Variants in LTBP1 observed in about 807,000 individuals in gnomAD.
The protein encoded by LTBP1 is latent transforming growth factor beta binding protein 1.
LTBP1 carries 129 observed loss-of-function variants against 207.6 expected under a neutral mutation model. The ratio of observed to expected loss-of-function variants is 0.62; its 90% confidence interval spans 0.54 to 0.72. LTBP1 has a LOEUF of 0.72. Ranked by LOEUF, LTBP1 falls within the 30% of genes least tolerant of loss-of-function variation. The probability of loss-of-function intolerance (pLI) is 0.00; values close to 1 mark genes in which losing one functional copy is unlikely to be tolerated. For synonymous variants in LTBP1, 963 were observed against 833.7 expected (o/e 1.16, Z -2.67); for missense variants, 2,281 against 2,217.2 (o/e 1.03, Z -0.58).
intron 31 of LTBP1, among the ~76,000 whole-genome samples, chr2:33,368,069 T>C (rs1228746988): frequency 6.6e-6 from 1 of 152,078 alleles, no homozygotes; most frequent in African/African-American, 2.4e-5. Flanking sequence ...TAGCCGGGCC[T>C]GGTGGCGCAT....
chr2:33,348,439 C>G (rs1045204331), intron 26 of LTBP1, among the ~76,000 whole-genome samples: 1 of 152,096 alleles, frequency 6.6e-6, no homozygotes, highest in Non-Finnish European at 1.5e-5. Context: ...AGAGAAGAGA[C>G]AGGTTATTAC....
chr2:33,077,433 G>C (rs1193613951), intron 3 of LTBP1, among the ~76,000 whole-genome samples: 4 of 152,196 alleles, frequency 2.6e-5, no homozygotes, highest in South Asian at 4.2e-4. Context: ...GGCAGCATCT[G>C]CTTCTGGGGA....
chr2:33,160,919 A>G (rs1210916991), intron 5 of LTBP1, among the ~76,000 whole-genome samples: 1 of 152,170 alleles, frequency 6.6e-6, no homozygotes. Flanking sequence ...TGCTGCTGTC[A>G]TGGTTGTTGC....
At chr2:33,109,304 C>G (rs1300142227) in intron 3 of LTBP1, among the ~76,000 whole-genome samples, 3 of 152,200 alleles carry the variant, frequency 2.0e-5, no homozygotes, top group Non-Finnish European at 4.4e-5. Flanking sequence ...GTCATTTCTT[C>G]CCCTTGTTCA....
At chr2:33,179,002 C>T (rs939016977) in intron 5 of LTBP1, among the ~76,000 whole-genome samples, 2 of 152,120 alleles carry the variant, frequency 1.3e-5, no homozygotes, top group Non-Finnish European at 1.5e-5. Context: ...TGGCCTCCTA[C>T]AGTGCTGGGA....
chr2:33,240,371 G>A (rs2092268188), intron 9 of LTBP1, among the ~76,000 whole-genome samples: 1 of 152,160 alleles, frequency 6.6e-6, no homozygotes, highest in South Asian at 2.1e-4. Context: ...TCATCACTTG[G>A]AATGTTCTTC....
rs138855667 is a variant in LTBP1, at chr2:33,144,914, G to A, written c.1201+9954G>A. Among the ~76,000 whole-genome samples the A allele has an allele frequency of 1.5e-3, 223 of 152,224 alleles. 1 individual carries two copies. The highest frequency in any genetic ancestry group is 5.1e-3 in the African/African-American group (213 of 41,560). ...CTGGAACTAACATCACAAATGATGT[G>A]AAAATGTTTTTGAGGTCAGCCACAT... On this transcript the variant is annotated intron_variant, in intron 5 of 33. Transcript: ENST00000404816.
chr2:33,392,618 A>C (rs573117730), intron 32 of LTBP1, among the ~76,000 whole-genome samples: 29 of 152,236 alleles, frequency 1.9e-4, no homozygotes, highest in Non-Finnish European at 3.8e-4. Context: ...TTACAAAAAT[A>C]GGTAGCAGGC....
intron 3 of LTBP1, among the ~76,000 whole-genome samples, chr2:33,041,563 T>A (rs1435474886): frequency 6.6e-6 from 1 of 152,222 alleles, no homozygotes; most frequent in Non-Finnish European, 1.5e-5. Flanking sequence ...ATTATAGGCG[T>A]GAGCCACCGT....
At chr2:33,285,523 A>G (rs1420306804) in intron 19 of LTBP1, among the ~76,000 whole-genome samples, 1 of 140,458 alleles carries the variant, frequency 7.1e-6, no homozygotes, top group Non-Finnish European at 1.5e-5. Context: ...ATCTCGGCTC[A>G]CTGCAACCTC....
intron 5 of LTBP1, among the ~76,000 whole-genome samples, chr2:33,139,373 G>A (rs1358199039): frequency 1.3e-5 from 2 of 152,184 alleles, no homozygotes; most frequent in Non-Finnish European, 2.9e-5. Context: ...AAACATGGTA[G>A]TAGATTTTCT....
intron 3 of LTBP1, among the ~76,000 whole-genome samples, chr2:33,058,435 A>G (rs1191203004): frequency 1.3e-5 from 2 of 152,214 alleles, no homozygotes; most frequent in African/African-American, 4.8e-5. Flanking sequence ...GCCAGGACCA[A>G]AACTCATCTA....
Position 33,194,424 on chromosome 2 carries a change from A to G in LTBP1, c.1701+5573A>G, listed in dbSNP as rs756582887. 4.9e-4 allele frequency among the ~76,000 whole-genome samples: 75 copies of G among 152,250 alleles called. 1 individual carries two copies. Among genetic ancestry groups the G allele is most frequent in the Non-Finnish European group, 2.9e-4 (20 of 68,052 alleles). ...TTCGAAGGAAAAGTTCTTGAAGGAA[A>G]TTAAAAGTGCTACTCCAGAGAGTAC... On this transcript the variant is annotated intron_variant, in intron 7 of 33. Transcript: ENST00000404816.
At chr2:33,188,190 G>C (rs912824176) in intron 6 of LTBP1, among the ~76,000 whole-genome samples, 3 of 152,170 alleles carry the variant, frequency 2.0e-5, no homozygotes, top group African/African-American at 7.2e-5. Flanking sequence ...GGAGGCCAAG[G>C]CAGGCGGATC....
intron 4 of LTBP1, among the ~76,000 whole-genome samples, chr2:33,121,563 C>T (rs570020749): frequency 6.6e-6 from 1 of 152,270 alleles, no homozygotes; most frequent in Non-Finnish European, 1.5e-5. Context: ...AGGTGCATCT[C>T]ATGAGTGCAA....
intron 3 of LTBP1, among the ~76,000 whole-genome samples, chr2:33,022,020 C>T (rs1303700598): frequency 6.6e-6 from 1 of 152,064 alleles, no homozygotes; most frequent in Non-Finnish European, 1.5e-5. Context: ...ACAGGAAGTT[C>T]CCAACTTAAA....
chr2:33,095,271 C>A (rs1306934524), intron 3 of LTBP1, among the ~76,000 whole-genome samples: 1 of 152,038 alleles, frequency 6.6e-6, no homozygotes, highest in African/African-American at 2.4e-5. Flanking sequence ...CAATAAAAAG[C>A]AGACTGAAAT....
intron 3 of LTBP1, among the ~76,000 whole-genome samples, chr2:33,092,371 A>C (rs1437462065): frequency 1.3e-5 from 2 of 152,220 alleles, no homozygotes; most frequent in African/African-American, 4.8e-5. Context: ...TAAAATACCA[A>C]GTTTATTGAA....
chr2:33,029,641 G>A (rs2075597895), intron 3 of LTBP1, among the ~76,000 whole-genome samples: 1 of 152,172 alleles, frequency 6.6e-6, no homozygotes. Flanking sequence ...CACTCAGCAG[G>A]GCTGCAGCAG....
Sources: allele counts gnomAD v4.1 joint callset (sites outside exome capture counted in the v4.1 genomes callset), GRCh38; gene constraint gnomAD v4.1.1; transcripts MANE v1.5; gene names NCBI Gene and HGNC (gene_info 2026-07-23, HGNC 2026-07-21).